Variants in GPM6B observed in about 807,000 individuals in gnomAD.
GPM6B encodes the protein neuronal membrane glycoprotein M6-b.
A neutral mutation model predicts 27.2 loss-of-function variants in GPM6B; 4 were observed. That is an observed-to-expected ratio of 0.15 (90% CI 0.07 to 0.34). GPM6B has a LOEUF of 0.34. Ranked by LOEUF, GPM6B falls within the 10% of genes least tolerant of loss-of-function variation. The pLI is 1.00. For synonymous variants in GPM6B, 124 were observed against 103.1 expected (o/e 1.20, Z -1.23); for missense variants, 183 against 261.9 (o/e 0.70, Z 2.08).
Position 13,871,104 on chromosome X carries a change from C to CAA in GPM6B, c.-198+67221_-198+67222dup, listed in dbSNP as rs778747778. 8.9e-4 allele frequency among the ~76,000 whole-genome samples: 37 copies of CAA among 41,345 alleles called. No individual in the cohort carries two copies. The South Asian group carries it at 0.055, about 61-fold the overall frequency. The allele number at this position is 41,345 out of a possible 115,157, so 35.9% of individuals were successfully genotyped here. A position where few individuals can be genotyped will look rare whatever the true frequency, so the allele number is the denominator to read the frequency against. On this transcript the variant is annotated intron_variant, in intron 1 of 6. Coordinates refer to the GPM6B transcript ENST00000398361. ...AAAAACAAAACAAAACAAAACAAAA[C>CAA]AAAACAAAACAAAAAAAAAAGAAGT...
chrX:13,843,980 A>G (rs899191545), intron 1 of GPM6B, among the ~76,000 whole-genome samples: 3 of 111,976 alleles, frequency 2.7e-5, no homozygotes, highest in African/African-American at 9.7e-5. Context: ...TGTCTAAACC[A>G]AGGTCATGAA....
intron 2 of GPM6B, among the ~76,000 whole-genome samples, chrX:13,800,416 A>G (rs12556839): frequency 0.05 from 5,601 of 112,086 alleles, 496 homozygotes; most frequent in East Asian, 0.39. Context: ...TCTAGCCACT[A>G]TGTTTTGGAG....
At chrX:13,858,791 G>A (rs969684103) in intron 1 of GPM6B, among the ~76,000 whole-genome samples, 1 of 111,533 alleles carries the variant, frequency 9.0e-6, no homozygotes, top group African/African-American at 3.3e-5. Flanking sequence ...ACTCACCTGC[G>A]ACACATATCC....
chrX:13,797,218 C>T (rs1158993623), intron 2 of GPM6B, among the ~76,000 whole-genome samples: 1 of 111,765 alleles, frequency 8.9e-6, no homozygotes, highest in African/African-American at 3.3e-5. Flanking sequence ...CAAGTGTGCC[C>T]TCCTGGCTTT....
chrX:13,826,390 T>C (rs1387833284), intron 1 of GPM6B, among the ~76,000 whole-genome samples: 2 of 111,302 alleles, frequency 1.8e-5, no homozygotes, highest in African/African-American at 6.5e-5. Flanking sequence ...GACCAAATGA[T>C]CGGTTTTTAA....
At chrX:13,794,200 T>TCC (rs751386548) in intron 2 of GPM6B, among the ~76,000 whole-genome samples, 1 of 106,983 alleles carries the variant, frequency 9.3e-6, no homozygotes, top group African/African-American at 3.4e-5. Flanking sequence ...TTTTTTTTTT[T>TCC]CCCAGATACA....
At chrX:13,848,795 T>G (rs2049680266) in intron 1 of GPM6B, among the ~76,000 whole-genome samples, 1 of 112,466 alleles carries the variant, frequency 8.9e-6, no homozygotes, top group African/African-American at 3.2e-5. Flanking sequence ...ACATGAATGT[T>G]CACAGAATCT....
intron 1 of GPM6B, among the ~76,000 whole-genome samples, chrX:13,920,877 TGA>T (rs1039274622): frequency 9.9e-6 from 1 of 101,358 alleles, no homozygotes; most frequent in Non-Finnish European, 2.0e-5. Context: ...GGCGATAGAG[TGA>T]GATTCCGCCT....
chrX:13,880,346 C>T (rs2050081739), intron 1 of GPM6B, among the ~76,000 whole-genome samples: 1 of 111,233 alleles, frequency 9.0e-6, no homozygotes. Context: ...CTCTCCTGCT[C>T]CCATTAAATC....
At chrX:13,790,255 A>G (rs898985371) in intron 2 of GPM6B, among the ~76,000 whole-genome samples, 6 of 112,244 alleles carry the variant, frequency 5.3e-5, no homozygotes, top group Non-Finnish European at 1.1e-4. Context: ...GAAGAGCTGA[A>G]CTTGGATGCT....
intron 7 of GPM6B, chrX:13,773,294 G>T: frequency 4.8e-6 from 1 of 208,837 alleles, no homozygotes; most frequent in Non-Finnish European, 8.3e-6. Context: ...AAGCAAAAAT[G>T]AAATACGAGA....
rs192256504 is a variant in GPM6B at position 13,865,146 on chromosome X, C to G, written c.-198+73181G>C. On this transcript the variant is annotated intron_variant, in intron 1 of 6. Coordinates refer to the GPM6B transcript ENST00000398361. ...GGACTACTGTATGTGATAAATGTGG[C>G]AAAGATTGCATAGTGAAAAAGCTGG... 3.0e-4 allele frequency among the ~76,000 whole-genome samples: 33 copies of G among 111,004 alleles called. No homozygotes were observed. The South Asian group carries it at 9.5e-3, about 32-fold the overall frequency.
chrX:13,836,146 C>T (rs927621631), intron 1 of GPM6B, among the ~76,000 whole-genome samples: 5 of 112,056 alleles, frequency 4.5e-5, no homozygotes. Context: ...AGCTTACAAC[C>T]AGTAGCAGTT....
At chrX:13,849,354 G>A (rs1350288192) in intron 1 of GPM6B, among the ~76,000 whole-genome samples, 16 of 112,219 alleles carry the variant, frequency 1.4e-4, no homozygotes, top group Non-Finnish European at 2.4e-4. Flanking sequence ...GAACTCTTAC[G>A]GCACCAACAC....
At chrX:13,814,938 G>A (rs2049206347) in intron 1 of GPM6B, among the ~76,000 whole-genome samples, 1 of 112,010 alleles carries the variant, frequency 8.9e-6, no homozygotes, top group Non-Finnish European at 1.9e-5. Flanking sequence ...TATACATTTA[G>A]GTAATTTTTA....
At chrX:13,841,760 A>G (rs1158270477) in intron 1 of GPM6B, among the ~76,000 whole-genome samples, 3 of 111,352 alleles carry the variant, frequency 2.7e-5, no homozygotes, top group Non-Finnish European at 5.7e-5. Context: ...TTGTTCAACC[A>G]ATCTACAATG....
At chrX:13,858,497 G>C (rs923144482) in intron 1 of GPM6B, among the ~76,000 whole-genome samples, 3 of 111,640 alleles carry the variant, frequency 2.7e-5, no homozygotes, top group Non-Finnish European at 5.6e-5. Flanking sequence ...AGAATTGGAA[G>C]AGGACATAAT....
At chrX:13,858,062 T>C (rs1418992488) in intron 1 of GPM6B, among the ~76,000 whole-genome samples, 2 of 112,451 alleles carry the variant, frequency 1.8e-5, no homozygotes, top group Non-Finnish European at 3.8e-5. Flanking sequence ...ATCAGACAAG[T>C]TGAGGCAAGG....
rs1395223704 is a variant in GPM6B, at chrX:13,837,718, G to T, written c.-197-51910C>A. On this transcript the variant is annotated intron_variant, in intron 1 of 6. Coordinates refer to the GPM6B transcript ENST00000398361. The stretch of plus-strand genomic sequence containing the variant: ...TTTTCAAAGCAAGTTGGTGGGGGGG[G>T]GGGGGGGGGGAAGCAGAGGGGAAAG... Among the ~76,000 whole-genome samples the T allele has an allele frequency of 1.5e-4, 13 of 86,283 alleles. 2 individuals are homozygous for T. Among genetic ancestry groups the T allele is most frequent in the Non-Finnish European group, 2.6e-4 (11 of 42,757 alleles). The allele number at this position is 86,283 out of a possible 115,157, so 74.9% of individuals were successfully genotyped here. A position where few individuals can be genotyped will look rare whatever the true frequency, so the allele number is the denominator to read the frequency against.
Sources: allele counts gnomAD v4.1 joint callset (sites outside exome capture counted in the v4.1 genomes callset), GRCh38; gene constraint gnomAD v4.1.1; transcripts MANE v1.5; gene names NCBI Gene and HGNC (gene_info 2026-07-23, HGNC 2026-07-21).